VWA5B1: variants seen among roughly 807,000 people sequenced by gnomAD.
The protein encoded by VWA5B1 is von Willebrand factor A domain containing 5B1.
In VWA5B1, 115 loss-of-function variants were observed where a neutral mutation model predicts 118.2. The observed-to-expected ratio is 0.97, with a 90% CI of 0.84 to 1.14. The LOEUF is 1.14. Ranked by LOEUF, VWA5B1 falls within the 50% of genes most tolerant of loss-of-function variation. The pLI is 0.00. For missense variants in VWA5B1, 1,596 were observed against 1,603.8 expected (o/e 1.00, Z 0.08); for synonymous variants, 682 against 658.4 (o/e 1.04, Z -0.55).
chr1:20,310,878 A>T, intron 2 of VWA5B1, 138 bp downstream of exon 2: 1 of 1,276,790 alleles, frequency 7.8e-7, no homozygotes. Flanking sequence ...TAAAATGGTG[A>T]GATTCTTTCT....
At position 20,357,805 on chromosome 1, in the gene VWA5B1, C is replaced by T. The variant is rs560494647; in HGVS notation, c.*3542C>T. Among the ~76,000 whole-genome samples, 12 of 152,296 alleles carry T rather than the reference C, an allele frequency of 7.9e-5. No homozygotes were observed. The highest frequency in any genetic ancestry group is 2.1e-4 in the South Asian group (1 of 4,826). On this transcript the variant is annotated 3_prime_UTR_variant, in exon 22 of 22. Coordinates refer to ENST00000289815, the MANE Select transcript of VWA5B1 (RefSeq NM_001039500.3). ...ACTACCTAGGTACCCTTTGCGCTAA[C>T]GGCCAGCCCCCTGAGCTTTCAGGCT...
At chr1:20,307,189 C>T (rs1000231277) in intron 1 of VWA5B1, among the ~76,000 whole-genome samples, 5 of 152,204 alleles carry the variant, frequency 3.3e-5, no homozygotes, top group African/African-American at 1.2e-4. Flanking sequence ...CCACTCACAC[C>T]AGACACCATT....
At chr1:20,309,108 T>C (rs1174600329) in intron 1 of VWA5B1, among the ~76,000 whole-genome samples, 1 of 152,068 alleles carries the variant, frequency 6.6e-6, no homozygotes, top group Non-Finnish European at 1.5e-5. Flanking sequence ...TCCTGAGAAG[T>C]GCTATGGAGG....
chr1:20,321,046 G>C (rs1433756983), intron 7 of VWA5B1, among the ~76,000 whole-genome samples: 2 of 149,094 alleles, frequency 1.3e-5, no homozygotes, highest in East Asian at 4.2e-4. Context: ...GGTTTAGCAA[G>C]GAGAGGGTAG....
chr1:20,318,815 C>T, intron 6 of VWA5B1, 94 bp downstream of exon 6: 4 of 1,406,374 alleles, frequency 2.8e-6, no homozygotes, highest in Non-Finnish European at 3.7e-6. Flanking sequence ...CGCCCAGCAG[C>T]TAGCTAGCCA....
At chr1:20,291,395 C>CTCTCTCTCTCTCTCT (rs2088301828) in intron 1 of VWA5B1, among the ~76,000 whole-genome samples, 2 of 144,778 alleles carry the variant, frequency 1.4e-5, no homozygotes, top group African/African-American at 2.6e-5. Flanking sequence ...CTTTCTGTCT[C>CTCTCTCTCTCTCTCT]CTCTATTTCT....
chr1:20,301,301 A>G (rs75616325), intron 1 of VWA5B1, among the ~76,000 whole-genome samples: 2,259 of 152,354 alleles, frequency 0.015, 53 homozygotes, highest in African/African-American at 0.05. Context: ...GCCAACATTT[A>G]CTGGGGACCA....
intron 17 of VWA5B1, among the ~76,000 whole-genome samples, chr1:20,346,887 T>C (rs2090018448): frequency 6.6e-6 from 1 of 152,236 alleles, no homozygotes; most frequent in East Asian, 1.9e-4. Flanking sequence ...CCTTTTCTTA[T>C]CTGTGGTACC....
rs572038228 is a variant in VWA5B1 at position 20,356,430 on chromosome 1, C to T, written c.*2167C>T. On this transcript the variant is annotated 3_prime_UTR_variant, in exon 22 of 22. Coordinates refer to ENST00000289815, the MANE Select transcript of VWA5B1 (RefSeq NM_001039500.3). ...AACAAGTGGCGTGTGTGTTCTGGGC[C>T]TCTTTCTTCCTCTACATAACCAGGC... Among the ~76,000 whole-genome samples, 8 of 152,276 alleles carry T rather than the reference C, an allele frequency of 5.3e-5. No individual in the cohort carries two copies. In the East Asian group the frequency reaches 1.4e-3, roughly 26 times the overall value.
chr1:20,332,984 G>A (rs1415665930), intron 12 of VWA5B1, 33 bp downstream of exon 12: 1 of 1,548,814 alleles, frequency 6.5e-7, no homozygotes, highest in African/African-American at 1.4e-5. Flanking sequence ...GGGTCCGTGT[G>A]GGCCCAGAAC....
chr1:20,348,615 G>A (rs967940420), intron 18 of VWA5B1, among the ~76,000 whole-genome samples: 5 of 152,166 alleles, frequency 3.3e-5, no homozygotes, highest in Admixed American at 2.6e-4. Context: ...CTCCCTGCCG[G>A]CACCTCTCCC....
In VWA5B1 at chr1:20,312,876, C is replaced by A; in HGVS notation, c.180C>A (p.Ile60=). 1.3e-6 allele frequency: 2 copies of A among 1,551,618 alleles called. No individual in the cohort carries two copies. The highest frequency in any genetic ancestry group is 1.4e-5 in the African/African-American group (1 of 73,178). ...VYPLDECTTV[I]GFEAVIADRV... ...CCCTGGATGAGTGCACCACGGTGAT[C>A]GGCTTTGAGGCAGTCATTGCCGACC... Residue 60 remains isoleucine, a synonymous_variant, in exon 3 of 22, where the codon ATC becomes ATA. Coordinates refer to ENST00000289815, the MANE Select transcript of VWA5B1 (RefSeq NM_001039500.3).
At chr1:20,306,491 C>G (rs530257980) in intron 1 of VWA5B1, among the ~76,000 whole-genome samples, 5 of 152,254 alleles carry the variant, frequency 3.3e-5, no homozygotes, top group Admixed American at 6.5e-5. Context: ...AAGAAGAGGC[C>G]AGATCATGAA....
chr1:20,291,435 C>G (rs1318037153), intron 1 of VWA5B1, among the ~76,000 whole-genome samples: 2 of 149,610 alleles, frequency 1.3e-5, no homozygotes, highest in East Asian at 4.0e-4. Flanking sequence ...CCTGCTCCCT[C>G]TTCTCTTTCT....
At chr1:20,318,528 C>T (rs977770593) in intron 5 of VWA5B1, 62 bp from the exon 6 acceptor site, 21 of 1,544,702 alleles carry the variant, frequency 1.4e-5, no homozygotes, top group South Asian at 1.2e-4. Context: ...TGTGCCCCAG[C>T]GAACTCCTCT....
intron 9 of VWA5B1, among the ~76,000 whole-genome samples, chr1:20,328,449 A>C (rs960583617): frequency 6.6e-6 from 1 of 152,136 alleles, no homozygotes; most frequent in Non-Finnish European, 1.5e-5. Flanking sequence ...ACAAGGCTCA[A>C]GATACTGTGT....
intron 17 of VWA5B1, 44 bp from the exon 18 acceptor site, chr1:20,348,201 C>A: frequency 6.6e-7 from 1 of 1,516,108 alleles, no homozygotes; most frequent in Non-Finnish European, 9.0e-7. Context: ...AAAGGACTGG[C>A]ACATTTGTAC....
At chr1:20,321,081 G>A (rs936521146) in intron 7 of VWA5B1, among the ~76,000 whole-genome samples, 3 of 135,888 alleles carry the variant, frequency 2.2e-5, no homozygotes, top group Non-Finnish European at 4.5e-5. Flanking sequence ...CACACCACGC[G>A]TGAGACACAG....
chr1:20,325,903 G>A (rs1386725356), intron 8 of VWA5B1, among the ~76,000 whole-genome samples: 1 of 152,204 alleles, frequency 6.6e-6, no homozygotes, highest in Non-Finnish European at 1.5e-5. Context: ...GAAAATCTAG[G>A]CTCAGGGAGG....
Sources: allele counts gnomAD v4.1 joint callset (sites outside exome capture counted in the v4.1 genomes callset), GRCh38; gene constraint gnomAD v4.1.1; transcripts MANE v1.5; gene names NCBI Gene and HGNC (gene_info 2026-07-23, HGNC 2026-07-21).